Variants in MAPKBP1 observed in about 807,000 individuals in gnomAD.
MAPKBP1 encodes mitogen-activated protein kinase binding protein 1.
Under a neutral mutation model 170.5 loss-of-function variants are expected in MAPKBP1, and 71 were observed. The observed-to-expected ratio is 0.42, with a 90% CI of 0.34 to 0.51. The LOEUF (loss-of-function observed/expected upper bound fraction) is 0.51. Ranked by LOEUF, MAPKBP1 falls within the 20% of genes least tolerant of loss-of-function variation. MAPKBP1 has a pLI of 0.06. For synonymous variants in MAPKBP1, 719 were observed against 757.9 expected (o/e 0.95, Z 0.84); for missense variants, 1,598 against 1,933.0 (o/e 0.83, Z 3.25).
intron 2 of MAPKBP1, among the ~76,000 whole-genome samples, chr15:41,789,507 T>A (rs993433195): frequency 1.3e-5 from 2 of 152,166 alleles, no homozygotes; most frequent in Non-Finnish European, 2.9e-5. Flanking sequence ...CCTCTCCCTC[T>A]AGTCTGACGC....
At chr15:41,798,555 T>C (rs2064536876) in intron 2 of MAPKBP1, among the ~76,000 whole-genome samples, 1 of 152,062 alleles carries the variant, frequency 6.6e-6, no homozygotes, top group African/African-American at 2.4e-5. Context: ...AGTGCTGGGA[T>C]TACAGGCGTG....
At chr15:41,784,598 A>G (rs2064249095) in intron 2 of MAPKBP1, among the ~76,000 whole-genome samples, 1 of 151,984 alleles carries the variant, frequency 6.6e-6, no homozygotes, top group Non-Finnish European at 1.5e-5. Flanking sequence ...CCTGGCCAAC[A>G]TGCTGAAACC....
chr15:41,786,763 T>TA (rs1232815975), intron 2 of MAPKBP1, among the ~76,000 whole-genome samples: 311 of 30,554 alleles, frequency 0.01, 8 homozygotes, highest in Non-Finnish European at 0.013. Flanking sequence ...AGACTCCGTC[T>TA]AAAAAAAAAA....
rs771681533 is a variant in MAPKBP1, at chr15:41,817,705, C to T, written c.1874C>T (p.Thr625Met). Residue 625 changes from threonine to methionine, a missense_variant, in exon 16 of 31, where the codon ACG (threonine) becomes ATG (methionine). Physicochemically the swap from Thr to Met is moderately conservative, Grantham distance 81. Transcript: ENST00000457542. The surrounding 1 kb of genome is among the most constrained non-coding windows in gnomAD (Gnocchi z 4.2). ...GATGTGGAGCCCAGCTGGAAGTACA[C>T]GGCTATCGGCTGCCAGGACCGAAAT... The part of the protein sequence containing the change: ...DMDVEPSWKY[T>M]AIGCQDRNIR... The T allele has an allele frequency of 9.3e-6, 15 of 1,613,954 alleles. No individual in the cohort carries two copies. The highest frequency in any genetic ancestry group is 2.7e-5 in the African/African-American group (2 of 74,934).
At chr15:41,799,762 C>T in intron 2 of MAPKBP1, 61 bp from the exon 3 acceptor site, 2 of 1,402,744 alleles carry the variant, frequency 1.4e-6, no homozygotes, top group Admixed American at 3.4e-5. Context: ...CAAGTACCTT[C>T]AGCACCTTCT....
At chr15:41,824,193 A>C (rs768067413) in intron 29 of MAPKBP1, 132 bp downstream of exon 29, 6 of 1,266,734 alleles carry the variant, frequency 4.7e-6, no homozygotes, top group South Asian at 4.3e-5. Context: ...CTCCTGTCGC[A>C]GGTCCGTAAG....
chr15:41,822,143 GGGGTGGGGCCTGGAGGT>G (rs1463087631), intron 25 of MAPKBP1, 33 bp downstream of exon 25: 1 of 1,592,614 alleles, frequency 6.3e-7, no homozygotes, highest in Non-Finnish European at 8.6e-7. Context: ...GGGGCCATGG[GGGGTGGGGCCTGGAGGT>G]GGGTGGGGAG....
intron 2 of MAPKBP1, among the ~76,000 whole-genome samples, chr15:41,777,774 T>C (rs2064122160): frequency 6.6e-6 from 1 of 152,240 alleles, no homozygotes; most frequent in African/African-American, 2.4e-5. Context: ...ATGTGGTGGC[T>C]GTGAGTAATC....
intron 21 of MAPKBP1, 38 bp from the exon 22 acceptor site, chr15:41,819,557 G>GGGGGGGCCGGGCCCCCCCCCCCCCC: frequency 7.2e-7 from 1 of 1,384,690 alleles, no homozygotes; most frequent in Non-Finnish European, 1.0e-6. Flanking sequence ...CGGGGGGGGG[G>GGGGGGGCCGGGCCCCCCCCCCCCCC]CAGGAGACAC....
chr15:41,818,471 G>C lies in MAPKBP1; in HGVS notation c.2093-48G>C. The C allele has an allele frequency of 6.3e-7, 1 of 1,581,538 alleles. No individual in the cohort carries two copies. The highest frequency in any genetic ancestry group is 8.7e-7 in the Non-Finnish European group (1 of 1,155,882). Reference sequence around the variant, plus strand: ...CCACTGTTGGGATGGAGAGGACTTGGTTGGGAATTTAAGGTGGCTTATAGA... The same window carrying C: ...CCACTGTTGGGATGGAGAGGACTTGCTTGGGAATTTAAGGTGGCTTATAGA... On this transcript the variant is annotated intron_variant, in intron 18 of 30. Coordinates refer to ENST00000457542, the MANE Select transcript of MAPKBP1 (RefSeq NM_014994.3). This position sits in a 1 kb window ranked among gnomAD's most constrained non-coding sequence, Gnocchi z 5.2.
At chr15:41,816,796 C>A (rs1256988389) in intron 13 of MAPKBP1, 114 bp from the exon 14 acceptor site, 2 of 1,507,348 alleles carry the variant, frequency 1.3e-6, no homozygotes, top group African/African-American at 1.4e-5. Flanking sequence ...TGTCCTTGCT[C>A]CATGGTTCAC....
intron 2 of MAPKBP1, among the ~76,000 whole-genome samples, chr15:41,781,856 A>G (rs962102093): frequency 1.4e-4 from 21 of 152,080 alleles, no homozygotes; most frequent in Non-Finnish European, 2.5e-4. Context: ...TCAGCCTTTG[A>G]GACCCATCTT....
At chr15:41,816,086 C>T (rs566218516) in intron 12 of MAPKBP1, among the ~76,000 whole-genome samples, 93 of 152,246 alleles carry the variant, frequency 6.1e-4, no homozygotes, top group African/African-American at 2.0e-3. Flanking sequence ...TCAATATAGG[C>T]GTGAGAAAAC....
At position 41,812,986 on chromosome 15, in the gene MAPKBP1, CTGATG is replaced by C; in HGVS notation, c.707_711del (p.Asp236GlyfsTer25). 6.2e-7 allele frequency: 1 copy of C among 1,613,970 alleles called. No homozygotes were observed. Among genetic ancestry groups the C allele is most frequent in the Non-Finnish European group, 8.5e-7 (1 of 1,179,910 alleles). On this transcript the variant is annotated frameshift_variant, in exon 8 of 31. Transcript: ENST00000457542. LOFTEE classifies it high-confidence loss of function. ...GGAGAGCTACGGAACAACCTATTCACTGATGTGGCCTGTGGCAGAGGAAAAAAGGC... is the reference window on the plus strand; with the variant it reads ...GGAGAGCTACGGAACAACCTATTCACTGGCCTGTGGCAGAGGAAAAAAGGC...
chr15:41,811,601 C>T (rs1044470738), intron 5 of MAPKBP1: 4 of 613,202 alleles, frequency 6.5e-6, no homozygotes, highest in Admixed American at 2.1e-5. Context: ...CTGCTGGGCT[C>T]AGGAGGAACG....
intron 11 of MAPKBP1, 34 bp from the exon 12 acceptor site, chr15:41,815,590 T>C (rs1490511218): frequency 1.2e-6 from 2 of 1,601,072 alleles, no homozygotes; most frequent in Non-Finnish European, 1.7e-6. Flanking sequence ...TGGTCAGGCC[T>C]GCCTCATCCA....
At chr15:41,819,557 G>GGGGTGGGGGGGGGGGGGGGGGGGGGC in intron 21 of MAPKBP1, 38 bp from the exon 22 acceptor site, 2 of 1,384,690 alleles carry the variant, frequency 1.4e-6, no homozygotes, top group Non-Finnish European at 2.0e-6. Flanking sequence ...CGGGGGGGGG[G>GGGGTGGGGGGGGGGGGGGGGGGGGGC]CAGGAGACAC....
Position 41,780,901 on chromosome 15 carries a change from T to C in MAPKBP1, c.114+5512T>C, listed in dbSNP as rs370793115. 4.6e-5 allele frequency among the ~76,000 whole-genome samples: 7 copies of C among 152,260 alleles called. No homozygotes were observed. In the East Asian group the frequency reaches 1.4e-3, roughly 29 times the overall value. ...CTTCCTTCCTTCCTTTCAACAGTTATAGCAACAGGTCCAGTGCTTCTTCAT... is the reference window on the plus strand; with the variant it reads ...CTTCCTTCCTTCCTTTCAACAGTTACAGCAACAGGTCCAGTGCTTCTTCAT... On this transcript the variant is annotated intron_variant, in intron 2 of 30. Transcript: ENST00000457542.
In MAPKBP1 at chr15:41,823,769, C is replaced by A. The variant is rs749237685; in HGVS notation, c.3921C>A (p.Phe1307Leu). Residue 1307 changes from phenylalanine (F) to leucine (L), a missense_variant, in exon 29 of 31, where the codon TTC becomes TTA. Coordinates refer to ENST00000457542, the MANE Select transcript of MAPKBP1 (RefSeq NM_014994.3). ...PLPDRPTLAA[F>L]SPVTKGRAPG... ...CTGACCGTCCTACCCTGGCTGCATT[C>A]TCTCCTGTCACCAAAGGCCGGGCCC... 6.2e-7 allele frequency: 1 copy of A among 1,614,176 alleles called. No homozygotes were observed. Among genetic ancestry groups the A allele is most frequent in the Admixed American group, 1.7e-5 (1 of 60,030 alleles).
Sources: allele counts gnomAD v4.1 joint callset (sites outside exome capture counted in the v4.1 genomes callset), GRCh38; gene constraint gnomAD v4.1.1; non-coding constraint Gnocchi (gnomAD v3.1); transcripts MANE v1.5; gene names NCBI Gene and HGNC (gene_info 2026-07-23, HGNC 2026-07-21).